TRAPPC9: variants seen among roughly 807,000 people sequenced by gnomAD.
The protein encoded by TRAPPC9 is trafficking protein particle complex subunit 9.
A neutral mutation model predicts 124.0 loss-of-function variants in TRAPPC9; 83 were observed. The observed-to-expected ratio is 0.67, with a 90% confidence interval of 0.56 to 0.80. TRAPPC9 has a LOEUF of 0.80. TRAPPC9 is among the 30% of genes least tolerant of loss of function. The probability of loss-of-function intolerance (pLI) is 0.00; values close to 1 mark genes in which losing one functional copy is unlikely to be tolerated. For missense variants in TRAPPC9, 1,302 were observed against 1,508.3 expected (o/e 0.86, Z 2.27); for synonymous variants, 638 against 617.5 (o/e 1.03, Z -0.49).
intron 21 of TRAPPC9, among the ~76,000 whole-genome samples, chr8:139,789,745 G>A (rs1822524020): frequency 1.3e-5 from 2 of 152,174 alleles, no homozygotes; most frequent in Admixed American, 6.5e-5. Flanking sequence ...TGGGTCCCAG[G>A]GGAAGGCCAG....
At chr8:140,014,445 A>T (rs1233039576) in intron 18 of TRAPPC9, among the ~76,000 whole-genome samples, 1 of 152,156 alleles carries the variant, frequency 6.6e-6, no homozygotes, top group Non-Finnish European at 1.5e-5. Context: ...AAAAATAATA[A>T]TAATAATAAT....
intron 18 of TRAPPC9, among the ~76,000 whole-genome samples, chr8:140,021,380 T>C (rs1433582786): frequency 6.6e-6 from 1 of 152,234 alleles, no homozygotes; most frequent in Admixed American, 6.5e-5. Context: ...TTCCCACCCA[T>C]TCTTTGTGCC....
intron 17 of TRAPPC9, among the ~76,000 whole-genome samples, chr8:140,084,172 G>T (rs981977156): frequency 2.6e-5 from 4 of 152,168 alleles, no homozygotes; most frequent in Non-Finnish European, 5.9e-5. Flanking sequence ...AACATACAAT[G>T]ATTGAGGCTG....
chr8:139,917,210 G>A (rs899276011), intron 19 of TRAPPC9, among the ~76,000 whole-genome samples: 4 of 113,042 alleles, frequency 3.5e-5, no homozygotes, highest in Non-Finnish European at 4.9e-5. Context: ...GTCTCGCTCT[G>A]TTGCCCAGGA....
At chr8:139,868,717 A>G (rs564918536) in intron 21 of TRAPPC9, among the ~76,000 whole-genome samples, 7 of 152,342 alleles carry the variant, frequency 4.6e-5, no homozygotes, top group African/African-American at 1.7e-4. Flanking sequence ...TAAAGTCTGT[A>G]TTATTAACTT....
At chr8:139,919,896 G>A (rs1020805631) in intron 19 of TRAPPC9, among the ~76,000 whole-genome samples, 3 of 152,204 alleles carry the variant, frequency 2.0e-5, no homozygotes, top group Non-Finnish European at 2.9e-5. Context: ...GACTCCAGGC[G>A]CGGCATGGCA....
At chr8:139,980,828 G>A (rs543263581) in intron 19 of TRAPPC9, among the ~76,000 whole-genome samples, 7 of 152,158 alleles carry the variant, frequency 4.6e-5, no homozygotes, top group African/African-American at 7.2e-5. Context: ...GGAGCCACAC[G>A]CCCCCCACCT....
chr8:140,401,577 T>C (rs2069272282), intron 6 of TRAPPC9, among the ~76,000 whole-genome samples: 1 of 152,206 alleles, frequency 6.6e-6, no homozygotes, highest in Non-Finnish European at 1.5e-5. Context: ...TTTGGTTAAA[T>C]TTACATATTT....
At chr8:140,009,916 T>C (rs1247661555) in intron 18 of TRAPPC9, among the ~76,000 whole-genome samples, 1 of 151,910 alleles carries the variant, frequency 6.6e-6, no homozygotes, top group African/African-American at 2.4e-5. Flanking sequence ...GTGCAAGGAG[T>C]ATTAGTTCCA....
At chr8:139,737,356 G>A (rs1404427939) in intron 21 of TRAPPC9, among the ~76,000 whole-genome samples, 1 of 150,006 alleles carries the variant, frequency 6.7e-6, no homozygotes, top group African/African-American at 2.5e-5. Flanking sequence ...CCGGCCGGCT[G>A]GTCCCCAGGA....
chr8:140,118,201 A>T (rs995165075), intron 17 of TRAPPC9, among the ~76,000 whole-genome samples: 1 of 152,334 alleles, frequency 6.6e-6, no homozygotes, highest in Admixed American at 6.5e-5. Flanking sequence ...CCCAGTGGGT[A>T]CAGCACCCAC....
At chr8:140,298,481 C>T (rs1201142301) in intron 11 of TRAPPC9, among the ~76,000 whole-genome samples, 5 of 152,050 alleles carry the variant, frequency 3.3e-5, no homozygotes, top group South Asian at 4.2e-4. Flanking sequence ...GGCAAAACTC[C>T]GTCTCTACAA....
chr8:139,845,731 G>C (rs1046009703), intron 21 of TRAPPC9, among the ~76,000 whole-genome samples: 1 of 152,336 alleles, frequency 6.6e-6, no homozygotes, highest in Admixed American at 6.5e-5. Context: ...GGTCACATCA[G>C]CTTTGGCCTG....
intron 1 of TRAPPC9, 137 bp downstream of exon 1, chr8:140,457,502 T>A (rs1172369113): frequency 2.9e-6 from 2 of 696,374 alleles, no homozygotes; most frequent in Non-Finnish European, 3.5e-6. Context: ...CCCGGACAGG[T>A]GTGGCGGGCT....
intron 19 of TRAPPC9, among the ~76,000 whole-genome samples, chr8:139,926,935 A>G (rs188593293): frequency 1.3e-5 from 2 of 152,380 alleles, no homozygotes; most frequent in East Asian, 3.9e-4. Flanking sequence ...TTTGTATCCA[A>G]GACTATATAA....
chr8:139,790,200 C>T (rs1331900299), intron 21 of TRAPPC9, among the ~76,000 whole-genome samples: 1 of 152,180 alleles, frequency 6.6e-6, no homozygotes, highest in African/African-American at 2.4e-5. Context: ...TATGATTAGG[C>T]CTCAAAAACA....
intron 16 of TRAPPC9, among the ~76,000 whole-genome samples, chr8:140,234,088 G>A (rs1375236874): frequency 6.6e-6 from 1 of 152,158 alleles, no homozygotes; most frequent in African/African-American, 2.4e-5. Context: ...CCAACCCCCA[G>A]TCCGTGGCCT....
intron 18 of TRAPPC9, among the ~76,000 whole-genome samples, chr8:140,011,960 G>A (rs570760715): frequency 6.6e-5 from 10 of 152,070 alleles, no homozygotes; most frequent in Non-Finnish European, 1.3e-4. Context: ...TTACAGGCAT[G>A]AGCCACTGCG....
At chr8:140,053,235 A>T (rs1229142661) in intron 17 of TRAPPC9, among the ~76,000 whole-genome samples, 1 of 152,226 alleles carries the variant, frequency 6.6e-6, no homozygotes, top group Non-Finnish European at 1.5e-5. Context: ...TTAAACACAG[A>T]GGAAAACTTT....
Sources: gnomAD v4.1 joint callset for allele counts (sites outside exome capture counted in the v4.1 genomes callset) on GRCh38, gnomAD v4.1.1 for gene constraint, MANE v1.5 for transcripts, NCBI Gene and HGNC (gene_info 2026-07-23, HGNC 2026-07-21) for gene names.